Variants in TGFBR3 observed in about 807,000 individuals in gnomAD.
TGFBR3 encodes the protein transforming growth factor beta receptor type 3.
TGFBR3 carries 46 observed loss-of-function variants against 87.9 expected under a neutral mutation model. The observed-to-expected ratio is 0.52, with a 90% confidence interval of 0.41 to 0.67. The LOEUF is 0.67. TGFBR3 is among the 30% of genes least tolerant of loss of function. The pLI, the probability that TGFBR3 is intolerant of heterozygous loss-of-function variation, is 0.00. For missense variants in TGFBR3, 866 were observed against 1,041.9 expected (o/e 0.83, Z 2.32); for synonymous variants, 381 against 391.6 (o/e 0.97, Z 0.32).
intron 3 of TGFBR3, among the ~76,000 whole-genome samples, chr1:91,770,569 T>A (rs1674342854): frequency 1.3e-5 from 2 of 152,372 alleles, no homozygotes; most frequent in South Asian, 4.1e-4. Flanking sequence ...CTATGTTAAC[T>A]ATAGCTTGAA....
intron 3 of TGFBR3, among the ~76,000 whole-genome samples, chr1:91,772,864 T>C (rs950065092): frequency 1.3e-5 from 2 of 152,222 alleles, no homozygotes; most frequent in African/African-American, 2.4e-5. Flanking sequence ...ATCTCTCTCA[T>C]TCTTTTCAAA....
rs982909415 is a variant in TGFBR3 at position 91,680,533 on chromosome 1, C to A, written c.*3206G>T. 8.8e-6 allele frequency: 4 copies of A among 453,726 alleles called. No homozygotes were observed. The highest frequency in any genetic ancestry group is 6.8e-4 in the Middle Eastern group (1 of 1,466). 28.1% of individuals were successfully genotyped at this position (453,726 alleles called of 1,614,324 possible). On this transcript the variant is annotated 3_prime_UTR_variant, in exon 17 of 17. Transcript: ENST00000212355. ...GTTTTACCCTCATAGATGATGAAAA[C>A]CAGCAACAAAATCAGGCTCATTCAG...
intron 1 of TGFBR3, among the ~76,000 whole-genome samples, chr1:91,905,414 T>C (rs148102209): frequency 3.9e-5 from 6 of 152,280 alleles, no homozygotes; most frequent in African/African-American, 1.4e-4. Context: ...TCACAACCGT[T>C]GACCAGTTAC....
At chr1:91,696,649 G>C (rs1305218464) in intron 15 of TGFBR3, among the ~76,000 whole-genome samples, 1 of 152,188 alleles carries the variant, frequency 6.6e-6, no homozygotes, top group African/African-American at 2.4e-5. Flanking sequence ...TGGTTTCCAA[G>C]GGGGAGGAGT....
At chr1:91,695,868 T>C in intron 15 of TGFBR3, 89 bp from the exon 16 acceptor site, 1 of 1,081,172 alleles carries the variant, frequency 9.2e-7, no homozygotes, top group Non-Finnish European at 1.4e-6. Flanking sequence ...AGCACTGTCA[T>C]AAAGGTTGAG....
At chr1:91,685,618 G>A (rs549111709) in intron 16 of TGFBR3, among the ~76,000 whole-genome samples, 6 of 152,180 alleles carry the variant, frequency 3.9e-5, no homozygotes, top group Non-Finnish European at 5.9e-5. Context: ...CACCACGCCC[G>A]GCTGAAACAC....
At chr1:91,683,972 G>A (rs902566985) in intron 16 of TGFBR3, 115 bp from the exon 17 acceptor site, 17 of 957,810 alleles carry the variant, frequency 1.8e-5, no homozygotes, top group Admixed American at 1.4e-4. Context: ...TTCTCAACCA[G>A]GGCAGAAGCA....
chr1:91,861,375 G>T, intron 2 of TGFBR3, 96 bp downstream of exon 2: 1 of 958,070 alleles, frequency 1.0e-6, no homozygotes. Flanking sequence ...ACTCCAGCCT[G>T]GGTAACAGAG....
intron 2 of TGFBR3, among the ~76,000 whole-genome samples, chr1:91,811,985 G>C (rs1676047426): frequency 6.6e-6 from 1 of 151,088 alleles, no homozygotes; most frequent in Non-Finnish European, 1.5e-5. Context: ...TTGCTTTGGT[G>C]TTTTTCCACT....
chr1:91,766,345 T>C (rs1282482194), intron 3 of TGFBR3: 1 of 152,074 alleles, frequency 6.6e-6, no homozygotes, highest in Non-Finnish European at 1.5e-5. Flanking sequence ...GCCTAATTTC[T>C]ACATTTTATA....
At chr1:91,704,774 T>C (rs1052558591) in intron 14 of TGFBR3, among the ~76,000 whole-genome samples, 1 of 152,146 alleles carries the variant, frequency 6.6e-6, no homozygotes, top group Admixed American at 6.5e-5. Flanking sequence ...AGATCAAAAG[T>C]GGCAAAGATG....
intron 3 of TGFBR3, among the ~76,000 whole-genome samples, chr1:91,791,293 A>G (rs560239488): frequency 6.6e-6 from 1 of 152,294 alleles, no homozygotes; most frequent in Non-Finnish European, 1.5e-5. Flanking sequence ...TTAACTATGA[A>G]AACAGACAAG....
intron 3 of TGFBR3, among the ~76,000 whole-genome samples, chr1:91,762,159 C>A (rs1480220286): frequency 6.6e-6 from 1 of 152,196 alleles, no homozygotes; most frequent in Non-Finnish European, 1.5e-5. Flanking sequence ...CAGCAATGAC[C>A]AGTCTCGAAA....
chr1:91,684,255 T>C (rs1378656395), intron 16 of TGFBR3, among the ~76,000 whole-genome samples: 2 of 151,922 alleles, frequency 1.3e-5, no homozygotes, highest in South Asian at 2.1e-4. Flanking sequence ...AAAGACACTG[T>C]AGGATTTGGA....
At chr1:91,718,567 T>A (rs1277169799) in intron 10 of TGFBR3, among the ~76,000 whole-genome samples, 1 of 151,780 alleles carries the variant, frequency 6.6e-6, no homozygotes. Flanking sequence ...ATCAGCACTT[T>A]AAAGTTCTTT....
At chr1:91,903,532 CAG>C (rs1458675732) in intron 1 of TGFBR3, among the ~76,000 whole-genome samples, 1 of 151,308 alleles carries the variant, frequency 6.6e-6, no homozygotes, top group African/African-American at 2.4e-5. Flanking sequence ...TGCTTGAGCC[CAG>C]AAGTTCAAGA....
intron 6 of TGFBR3, among the ~76,000 whole-genome samples, chr1:91,729,158 C>T (rs990413429): frequency 8.0e-5 from 10 of 125,658 alleles, no homozygotes; most frequent in Admixed American, 7.5e-5. Flanking sequence ...CATACACACA[C>T]ACACACACAC....
rs192826774 is a variant in TGFBR3 at position 91,768,848 on chromosome 1, T to C, written c.247-10098A>G. On this transcript the variant is annotated intron_variant, in intron 3 of 16. Transcript: ENST00000212355. Reference sequence around the variant, plus strand: ...GTATTTCTTTATGGCAATGTGAGAATGGACTAATACATGAATCAACACACA... The same window carrying C: ...GTATTTCTTTATGGCAATGTGAGAACGGACTAATACATGAATCAACACACA... Among the ~76,000 whole-genome samples the C allele has an allele frequency of 3.2e-4, 48 of 152,240 alleles. No homozygotes were observed. The East Asian group carries it at 9.3e-3, about 29-fold the overall frequency.
At chr1:91,689,778 C>A (rs766047608) in intron 16 of TGFBR3, among the ~76,000 whole-genome samples, 2 of 140,274 alleles carry the variant, frequency 1.4e-5, no homozygotes, top group African/African-American at 2.7e-5. Flanking sequence ...TTTCTCGCTA[C>A]GTAAAAAGGA....
Sources: gnomAD v4.1 joint callset for allele counts (sites outside exome capture counted in the v4.1 genomes callset) on GRCh38, gnomAD v4.1.1 for gene constraint, MANE v1.5 for transcripts, NCBI Gene and HGNC (gene_info 2026-07-23, HGNC 2026-07-21) for gene names.